The following TRPM1 variants were observed in gnomAD, a reference collection of about 807,000 sequenced individuals.
TRPM1 encodes transient receptor potential cation channel subfamily M member 1, also known as TRPM1-203 APA Isoform, Intron 10.
In TRPM1, 113 loss-of-function variants were observed where a neutral mutation model predicts 149.4. That is an observed-to-expected ratio of 0.76 (90% CI 0.65 to 0.88). The LOEUF (loss-of-function observed/expected upper bound fraction) is 0.88. Among genes scored for constraint, TRPM1 ranks in the 40% least tolerant of loss-of-function variants. The pLI is 0.00. For missense variants in TRPM1, 1,976 were observed against 2,038.7 expected, an observed-to-expected ratio of 0.97 and a Z score of 0.59; for synonymous variants, 741 against 759.5, an observed-to-expected ratio of 0.98 and a Z score of 0.40.
chr15:31,021,237 C>T (rs536378311), intron 27 of TRPM1, among the ~76,000 whole-genome samples: 1 of 152,324 alleles, frequency 6.6e-6, no homozygotes, highest in South Asian at 2.1e-4. Context: ...AAGAATCCCC[C>T]ACCTCCTTCC....
In TRPM1 at chr15:31,035,659, A is replaced by G; in HGVS notation, c.2587T>C (p.Tyr863His). ...ATGACGTAGTTAAACAGCAGCAGGT[A>G]GCCCAAGTATGATATCTGAAAGAAA... ...FWFYTISYLG[Y>H]LLLFNYVILV... is the part of the protein sequence containing the mutation. Residue 863 changes from tyrosine to histidine, a missense_variant, in exon 21 of 28, where the codon TAC (tyrosine) becomes CAC (histidine). Tyr to His is a moderately conservative substitution (Grantham distance 83). Transcript: ENST00000256552. 6.2e-7 allele frequency: 1 copy of G among 1,614,244 alleles called. No individual in the cohort carries two copies. Among genetic ancestry groups the G allele is most frequent in the Non-Finnish European group, 8.5e-7 (1 of 1,180,034 alleles).
At chr15:31,090,236 CACAG>C (rs1324923812) in intron 1 of TRPM1, among the ~76,000 whole-genome samples, 4 of 152,062 alleles carry the variant, frequency 2.6e-5, no homozygotes, top group South Asian at 2.1e-4. Context: ...TGAGCCATTA[CACAG>C]ACAGCTTCCT....
At chr15:31,076,351 T>C (rs1336096012) in intron 3 of TRPM1, among the ~76,000 whole-genome samples, 1 of 152,212 alleles carries the variant, frequency 6.6e-6, no homozygotes, top group African/African-American at 2.4e-5. Flanking sequence ...CTCAGCCTCA[T>C]AGCTTTTGCC....
At chr15:31,098,818 T>C (rs1419944189) in intron 1 of TRPM1, among the ~76,000 whole-genome samples, 1 of 149,878 alleles carries the variant, frequency 6.7e-6, no homozygotes, top group East Asian at 2.0e-4. Flanking sequence ...GCCACTTTAA[T>C]GGCAGGGGCA....
At chr15:31,106,794 G>A (rs184823898) in intron 1 of TRPM1, among the ~76,000 whole-genome samples, 28 of 152,252 alleles carry the variant, frequency 1.8e-4, no homozygotes, top group African/African-American at 6.5e-4. Context: ...GCTAGATTCC[G>A]AGAAGTGAGA....
At chr15:31,035,495 G>T (rs1024598203) in intron 21 of TRPM1, 51 bp downstream of exon 21, 1 of 1,612,944 alleles carries the variant, frequency 6.2e-7, no homozygotes, top group African/African-American at 1.3e-5. Context: ...AGCCATATCT[G>T]CATTTGCAGT....
intron 1 of TRPM1, among the ~76,000 whole-genome samples, chr15:31,113,794 AC>A (rs1247660863): frequency 6.6e-6 from 1 of 152,184 alleles, no homozygotes; most frequent in Non-Finnish European, 1.5e-5. Context: ...GGTGGCAAGG[AC>A]CCACAGTTAG....
At chr15:31,020,299 A>G (rs530650403) in intron 27 of TRPM1, among the ~76,000 whole-genome samples, 1 of 152,340 alleles carries the variant, frequency 6.6e-6, no homozygotes, top group South Asian at 2.1e-4. Flanking sequence ...CTAAGCAAGG[A>G]TATTTGGTGC....
intron 1 of TRPM1, among the ~76,000 whole-genome samples, chr15:31,113,786 TG>T (rs1165677497): frequency 6.6e-6 from 1 of 152,114 alleles, no homozygotes; most frequent in Non-Finnish European, 1.5e-5. Flanking sequence ...CTCTTAAAGG[TG>T]GCAAGGACCC....
chr15:31,100,367 G>T (rs971421689), intron 1 of TRPM1, among the ~76,000 whole-genome samples: 3 of 151,796 alleles, frequency 2.0e-5, no homozygotes, highest in African/African-American at 7.3e-5. Flanking sequence ...GAGCCATCGC[G>T]CCTGGCCCTG....
In TRPM1 at chr15:31,076,862, A is replaced by G. The variant is rs779004907; in HGVS notation, c.83+43T>C. ...ACAAACATGAGAATAGTGGCAGACA[A>G]GCACTGGTTTGGATAATGTCTTAAT... On this transcript the variant is annotated intron_variant, in intron 3 of 27. Transcript: ENST00000256552. 2.8e-6 allele frequency: 4 copies of G among 1,425,874 alleles called. No homozygotes were observed. In the Admixed American group the frequency reaches 6.7e-5, roughly 24 times the overall value. 88.3% of individuals were successfully genotyped at this position (1,425,874 alleles called of 1,614,324 possible). A position where few individuals can be genotyped will look rare whatever the true frequency, so the allele number is the denominator to read the frequency against.
chr15:31,128,605 G>A (rs1254463540), intron 1 of TRPM1, among the ~76,000 whole-genome samples: 3 of 152,112 alleles, frequency 2.0e-5, no homozygotes, highest in Non-Finnish European at 4.4e-5. Flanking sequence ...GATGTGCCAG[G>A]GATTCTCTGC....
rs544855520 is a variant in TRPM1, at chr15:31,093,768, A to AT, written c.-84+7888dup. On this transcript the variant is annotated intron_variant, in intron 1 of 27. Coordinates refer to ENST00000256552, the MANE Select transcript of TRPM1 (RefSeq NM_001252024.2). ...AGACATGTGCCACTATGCCTGGCTAATTTTTTTTATTTTTAGTAGAGATAG... is the reference window on the plus strand; with the variant it reads ...AGACATGTGCCACTATGCCTGGCTAATTTTTTTTTATTTTTAGTAGAGATAG... Among the ~76,000 whole-genome samples, 24 of 151,902 alleles carry AT rather than the reference A, an allele frequency of 1.6e-4. No homozygotes were observed. The East Asian group carries it at 4.1e-3, about 26-fold the overall frequency.
intron 2 of TRPM1, among the ~76,000 whole-genome samples, chr15:31,077,665 C>T (rs903964048): frequency 1.3e-4 from 20 of 152,134 alleles, no homozygotes; most frequent in African/African-American, 3.9e-4. Context: ...GGGAGAGAGC[C>T]AGCACCCTTC....
At chr15:31,060,696 G>T in intron 10 of TRPM1, 52 bp from the exon 11 acceptor site, 1 of 1,471,374 alleles carries the variant, frequency 6.8e-7, no homozygotes, top group East Asian at 2.3e-5. Flanking sequence ...TGGACCGCCA[G>T]GGTTTGGCAG....
Position 31,040,053 on chromosome 15 carries a change from T to C in TRPM1, c.2316+65A>G. On this transcript the variant is annotated intron_variant, in intron 18 of 27. Transcript: ENST00000256552. This position sits in a 1 kb window ranked among gnomAD's most constrained non-coding sequence, Gnocchi z 4.2. ...GAAATAAGCCACAGAAAGTGCTCAG[T>C]TCAGCCTGGCAGAGAGTCACTTGTC... 2.1e-6 allele frequency: 3 copies of C among 1,455,428 alleles called. No individual in the cohort carries two copies. Among genetic ancestry groups the C allele is most frequent in the Non-Finnish European group, 2.9e-6 (3 of 1,037,162 alleles). 90.2% of individuals were successfully genotyped at this position (1,455,428 alleles called of 1,614,324 possible).
intron 1 of TRPM1, among the ~76,000 whole-genome samples, chr15:31,139,092 T>C (rs909237231): frequency 2.4e-4 from 37 of 152,222 alleles, no homozygotes; most frequent in Non-Finnish European, 4.3e-4. Flanking sequence ...GAACATTCCA[T>C]ATAACAGCCA....
At chr15:31,141,296 C>A (rs986230066) in intron 1 of TRPM1, among the ~76,000 whole-genome samples, 3 of 151,940 alleles carry the variant, frequency 2.0e-5, no homozygotes, top group African/African-American at 7.3e-5. Flanking sequence ...TAGGCTTTCA[C>A]TAGAAATTAA....
chr15:31,068,665 A>G (rs2034448368), intron 4 of TRPM1, among the ~76,000 whole-genome samples: 1 of 147,118 alleles, frequency 6.8e-6, no homozygotes, highest in Non-Finnish European at 1.5e-5. Flanking sequence ...GATCACTTGA[A>G]CCTGGGAGGC....
Sources: gnomAD v4.1 joint callset for allele counts (sites outside exome capture counted in the v4.1 genomes callset) on GRCh38, gnomAD v4.1.1 for gene constraint, Gnocchi (gnomAD v3.1) non-coding constraint, MANE v1.5 for transcripts, NCBI Gene and HGNC (gene_info 2026-07-23, HGNC 2026-07-21) for gene names.